Variants in HNMT observed in about 807,000 individuals in gnomAD.
HNMT encodes histamine N-methyltransferase.
A neutral mutation model predicts 32.1 loss-of-function variants in HNMT; 30 were observed. The observed-to-expected ratio is 0.93, with a 90% CI of 0.70 to 1.27. The LOEUF is 1.27. HNMT is among the 50% of genes most tolerant of loss of function. The pLI, the probability that HNMT is intolerant of heterozygous loss-of-function variation, is 0.00. For synonymous variants in HNMT, 125 were observed against 119.0 expected (o/e 1.05, Z -0.33); for missense variants, 327 against 346.0 (o/e 0.95, Z 0.43).
At chr2:137,993,905 C>A (rs1018158828) in intron 2 of HNMT, among the ~76,000 whole-genome samples, 3 of 152,110 alleles carry the variant, frequency 2.0e-5, no homozygotes, top group Admixed American at 6.5e-5. Context: ...CCTAGAATTT[C>A]ATATCCAGCC....
intron 2 of HNMT, among the ~76,000 whole-genome samples, chr2:137,995,642 G>A (rs906207201): frequency 2.0e-5 from 3 of 152,082 alleles, no homozygotes; most frequent in African/African-American, 7.2e-5. Context: ...TTGAAAAGGT[G>A]GGACTCTTCC....
At position 138,016,190 on chromosome 2, in the gene HNMT, A is replaced by C. The variant is rs1681657896; in HGVS notation, c.*2060A>C. The C allele has an allele frequency of 6.6e-6, 1 of 152,152 alleles. No homozygotes were observed. The highest frequency in any genetic ancestry group is 1.5e-5 in the Non-Finnish European group (1 of 68,022). 9.4% of individuals were successfully genotyped at this position (152,152 alleles called of 1,614,324 possible). ...AATGTTGTTTTATGTATTGTTGTGG[A>C]TCTCTCAGTGTTTAACATGGTGCCT... is the stretch of plus-strand genomic sequence containing the variant. On this transcript the variant is annotated 3_prime_UTR_variant, in exon 6 of 6. Coordinates refer to ENST00000280097, the MANE Select transcript of HNMT (RefSeq NM_006895.3).
intron 2 of HNMT, among the ~76,000 whole-genome samples, chr2:137,971,736 C>T (rs1316764270): frequency 6.6e-6 from 1 of 152,128 alleles, no homozygotes; most frequent in Non-Finnish European, 1.5e-5. Context: ...AGGCTATTCC[C>T]TTCTGCAAAA....
At chr2:137,998,438 G>A (rs1681059938) in intron 2 of HNMT, among the ~76,000 whole-genome samples, 2 of 152,054 alleles carry the variant, frequency 1.3e-5, no homozygotes, top group Non-Finnish European at 2.9e-5. Context: ...GGTATAAAAT[G>A]GAAATGTCCC....
At chr2:137,978,521 GTAT>G (rs1243766416) in intron 2 of HNMT, among the ~76,000 whole-genome samples, 1 of 111,168 alleles carries the variant, frequency 9.0e-6, no homozygotes, top group Non-Finnish European at 1.9e-5. Flanking sequence ...ATATAATATA[GTAT>G]TATACAATAC....
At chr2:138,010,334 A>G (rs1324938663) in intron 5 of HNMT, among the ~76,000 whole-genome samples, 1 of 151,998 alleles carries the variant, frequency 6.6e-6, no homozygotes, top group African/African-American at 2.4e-5. Context: ...AAGAGAATAT[A>G]TTTCAGCTAA....
At chr2:137,971,806 TA>T (rs35751073) in intron 2 of HNMT, among the ~76,000 whole-genome samples, 59,511 of 151,910 alleles carry the variant, frequency 0.39, 11,843 homozygotes, top group Middle Eastern at 0.48. Context: ...GTGTTTGCCT[TA>T]TTTTTAAGTC....
At chr2:137,990,609 A>C (rs1680789506) in intron 2 of HNMT, among the ~76,000 whole-genome samples, 1 of 152,172 alleles carries the variant, frequency 6.6e-6, no homozygotes, top group Non-Finnish European at 1.5e-5. Context: ...GCTATTTCTG[A>C]GGGATACTGA....
Position 137,973,079 on chromosome 2 carries a change from T to C in HNMT, c.190+2862T>C, listed in dbSNP as rs535874080. Reference sequence around the variant, plus strand: ...GAATGTGGGTGCCCTTTAAGGTCACTTTTCATAAGAAATCAATCAGAAATG... The same window carrying C: ...GAATGTGGGTGCCCTTTAAGGTCACCTTTCATAAGAAATCAATCAGAAATG... On this transcript the variant is annotated intron_variant, in intron 2 of 5. Transcript: ENST00000280097. Among the ~76,000 whole-genome samples the C allele has an allele frequency of 1.4e-3, 207 of 152,266 alleles. 1 individual carries two copies. The highest frequency in any genetic ancestry group is 4.7e-3 in the African/African-American group (197 of 41,564).
At chr2:137,992,833 G>A (rs1228994460) in intron 2 of HNMT, among the ~76,000 whole-genome samples, 1 of 152,116 alleles carries the variant, frequency 6.6e-6, no homozygotes, top group Non-Finnish European at 1.5e-5. Context: ...GAAGAAGCAG[G>A]CACTCATCTT....
chr2:137,977,379 A>G (rs1680317849), intron 2 of HNMT, among the ~76,000 whole-genome samples: 1 of 152,116 alleles, frequency 6.6e-6, no homozygotes, highest in Admixed American at 6.5e-5. Context: ...GCAATTTAAT[A>G]TACACAGTCA....
At chr2:137,985,386 G>C (rs1247494595) in intron 2 of HNMT, among the ~76,000 whole-genome samples, 1 of 152,242 alleles carries the variant, frequency 6.6e-6, no homozygotes, top group Admixed American at 6.5e-5. Flanking sequence ...GTAGAGGGTT[G>C]GTAGAGCTTT....
In HNMT at chr2:138,013,857, T is replaced by C; in HGVS notation, c.606T>C (p.Asp202=). 1.2e-6 allele frequency: 2 copies of C among 1,613,756 alleles called. No homozygotes were observed. The highest frequency in any genetic ancestry group is 1.7e-6 in the Non-Finnish European group (2 of 1,179,776). The change falls in exon 6 of 6, where the codon GAT becomes GAC. Residue 202 remains aspartate (D), a synonymous_variant. Coordinates refer to ENST00000280097, the MANE Select transcript of HNMT (RefSeq NM_006895.3). ...QDDLCQYITS[D]DLTQMLDNLG... The stretch of plus-strand genomic sequence containing the variant: ...ACCTCTGCCAGTATATCACATCAGA[T>C]GACCTCACTCAGATGCTGGACAACC...
At position 138,002,167 on chromosome 2, in the gene HNMT, A is replaced by G. The variant is rs1223876356; in HGVS notation, c.402A>G (p.Gln134=). 6.3e-7 allele frequency: 1 copy of G among 1,588,228 alleles called. No homozygotes were observed. Among genetic ancestry groups the G allele is most frequent in the Non-Finnish European group, 8.6e-7 (1 of 1,160,978 alleles). ...GAATGTTGGAGAAAAAGGAGCTTCA[A>G]AAGTGGGACTTTATTCATATGATTC... ...QSRMLEKKEL[Q]KWDFIHMIQM... The change falls in exon 4 of 6, where the codon CAA becomes CAG. Residue 134 remains glutamine, a synonymous_variant. Transcript: ENST00000280097.
intron 5 of HNMT, 111 bp downstream of exon 5, chr2:138,005,336 C>G (rs1681300131): frequency 4.3e-6 from 3 of 693,760 alleles, no homozygotes; most frequent in Non-Finnish European, 7.7e-6. Flanking sequence ...GAAATTCTTG[C>G]CTTGGCCTCT....
At chr2:138,011,292 C>T (rs972739357) in intron 5 of HNMT, among the ~76,000 whole-genome samples, 1 of 152,076 alleles carries the variant, frequency 6.6e-6, no homozygotes, top group Admixed American at 6.6e-5. Context: ...TGCCGGCAAA[C>T]TCTTATTTAG....
At chr2:137,996,002 A>G (rs1324245027) in intron 2 of HNMT, among the ~76,000 whole-genome samples, 1 of 152,216 alleles carries the variant, frequency 6.6e-6, no homozygotes, top group East Asian at 1.9e-4. Flanking sequence ...TAAACTAGAT[A>G]TTAATGGAAC....
At chr2:137,967,441 C>A in intron 1 of HNMT, 1 of 254,022 alleles carries the variant, frequency 3.9e-6, no homozygotes, top group Non-Finnish European at 7.4e-6. Context: ...ACTCAAAATT[C>A]TCATCCTTGG....
intron 1 of HNMT, among the ~76,000 whole-genome samples, chr2:137,969,273 A>T (rs547482072): frequency 6.6e-6 from 1 of 152,138 alleles, no homozygotes; most frequent in Non-Finnish European, 1.5e-5. Flanking sequence ...CTACTACTAT[A>T]ACTCTGCAAT....
Sources: allele counts gnomAD v4.1 joint callset (sites outside exome capture counted in the v4.1 genomes callset), GRCh38; gene constraint gnomAD v4.1.1; transcripts MANE v1.5; gene names NCBI Gene and HGNC (gene_info 2026-07-23, HGNC 2026-07-21).